CACNA2D1: variants seen among roughly 807,000 people sequenced by gnomAD.
The protein encoded by CACNA2D1 is calcium voltage-gated channel auxiliary subunit alpha2delta 1.
In CACNA2D1, 53 loss-of-function variants were observed where a neutral mutation model predicts 171.5. The ratio of observed to expected loss-of-function variants is 0.31; its 90% CI spans 0.25 to 0.39. The LOEUF (loss-of-function observed/expected upper bound fraction) is 0.39. CACNA2D1 is among the 10% of genes least tolerant of loss of function. The pLI, the probability that CACNA2D1 is intolerant of heterozygous loss-of-function variation, is 1.00. For synonymous variants in CACNA2D1, 442 were observed against 443.1 expected, an observed-to-expected ratio of 1.00 and a Z score of 0.03; for missense variants, 903 against 1,299.8, an observed-to-expected ratio of 0.69 and a Z score of 4.69.
intron 3 of CACNA2D1, among the ~76,000 whole-genome samples, chr7:82,277,041 C>T (rs550748789): frequency 6.6e-6 from 1 of 152,192 alleles, no homozygotes; most frequent in South Asian, 2.1e-4. Context: ...CCACCCTGCC[C>T]AGCCTCCATT....
intron 10 of CACNA2D1, 115 bp from the exon 11 acceptor site, chr7:82,038,350 G>A: frequency 1.1e-6 from 1 of 872,240 alleles, no homozygotes; most frequent in Non-Finnish European, 1.7e-6. Context: ...TCTTTCAAAT[G>A]GAAAAGTGAG....
At chr7:82,155,593 G>A (rs953113463) in intron 4 of CACNA2D1, among the ~76,000 whole-genome samples, 3 of 152,024 alleles carry the variant, frequency 2.0e-5, no homozygotes, top group African/African-American at 7.2e-5. Context: ...GTATGAAAAG[G>A]TTCCCTCCTG....
chr7:81,992,911 T>C (rs1352800931), intron 20 of CACNA2D1, among the ~76,000 whole-genome samples: 6 of 152,182 alleles, frequency 3.9e-5, no homozygotes, highest in Admixed American at 2.6e-4. Flanking sequence ...CCCAAGCATA[T>C]AGTTATAAAC....
At chr7:82,152,334 C>A (rs2129112466) in intron 4 of CACNA2D1, among the ~76,000 whole-genome samples, 1 of 123,918 alleles carries the variant, frequency 8.1e-6, no homozygotes, top group South Asian at 2.7e-4. Context: ...TTCTTAAAAC[C>A]TTAAGAAAAG....
At chr7:81,993,054 A>G (rs1315497288) in intron 20 of CACNA2D1, among the ~76,000 whole-genome samples, 2 of 152,186 alleles carry the variant, frequency 1.3e-5, no homozygotes, top group African/African-American at 4.8e-5. Flanking sequence ...GTAATACTAA[A>G]ATCCATAAAA....
intron 3 of CACNA2D1, among the ~76,000 whole-genome samples, chr7:82,331,604 T>A (rs1002106245): frequency 2.6e-5 from 4 of 152,236 alleles, no homozygotes; most frequent in African/African-American, 9.6e-5. Context: ...CATTGTGTCT[T>A]CAGTATTCTG....
chr7:82,076,356 T>C (rs1584652464), intron 7 of CACNA2D1, among the ~76,000 whole-genome samples: 2 of 152,126 alleles, frequency 1.3e-5, no homozygotes, highest in Non-Finnish European at 2.9e-5. Context: ...ATTTGTACCC[T>C]CTTGTCAACA....
At chr7:82,428,184 A>G (rs1563539594) in intron 1 of CACNA2D1, among the ~76,000 whole-genome samples, 1 of 152,234 alleles carries the variant, frequency 6.6e-6, no homozygotes, top group Non-Finnish European at 1.5e-5. Flanking sequence ...TAATTACTTG[A>G]TAGTCACATA....
intron 5 of CACNA2D1, among the ~76,000 whole-genome samples, chr7:82,119,923 T>TGTA (rs894860243): frequency 1.3e-5 from 2 of 152,220 alleles, no homozygotes; most frequent in African/African-American, 4.8e-5. Flanking sequence ...GGCTCATGCC[T>TGTA]GTAATCCCAG....
chr7:82,253,911 C>T (rs1015315434), intron 3 of CACNA2D1, among the ~76,000 whole-genome samples: 8 of 152,098 alleles, frequency 5.3e-5, no homozygotes, highest in African/African-American at 9.7e-5. Flanking sequence ...CTTGACAACA[C>T]TGTTTGATGA....
intron 3 of CACNA2D1, among the ~76,000 whole-genome samples, chr7:82,205,883 T>C (rs552947610): frequency 2.0e-5 from 3 of 152,182 alleles, no homozygotes; most frequent in Non-Finnish European, 4.4e-5. Context: ...TTATTTTTAT[T>C]ACATACACCT....
intron 18 of CACNA2D1, chr7:82,001,774 T>C (rs1282307781): frequency 3.5e-6 from 2 of 573,770 alleles, no homozygotes; most frequent in Non-Finnish European, 5.5e-6. Context: ...GTACGGGTTC[T>C]ATCCTATAAT....
intron 7 of CACNA2D1, among the ~76,000 whole-genome samples, chr7:82,069,713 C>CT (rs3839803): frequency 0.48 from 72,211 of 150,000 alleles, 20,762 homozygotes; most frequent in Non-Finnish European, 0.63. Flanking sequence ...CGAAGTACCC[C>CT]TTTTTTTTTT....
intron 1 of CACNA2D1, among the ~76,000 whole-genome samples, chr7:82,391,224 T>G (rs1007397903): frequency 6.6e-6 from 1 of 152,158 alleles, no homozygotes; most frequent in African/African-American, 2.4e-5. Context: ...AAAAGCAAAT[T>G]CAAAGATGGT....
intron 1 of CACNA2D1, among the ~76,000 whole-genome samples, chr7:82,381,925 A>T (rs564863015): frequency 4.4e-4 from 66 of 148,966 alleles, no homozygotes; most frequent in African/African-American, 1.7e-3. Flanking sequence ...TATTTCCTAT[A>T]GTTTTATATT....
chr7:82,389,740 T>C (rs532674489), intron 1 of CACNA2D1, among the ~76,000 whole-genome samples: 1 of 152,302 alleles, frequency 6.6e-6, no homozygotes, highest in South Asian at 2.1e-4. Context: ...TTTAATTTCC[T>C]GGGTTATGGG....
At chr7:82,045,625 T>G (rs955006417) in intron 10 of CACNA2D1, among the ~76,000 whole-genome samples, 16 of 152,302 alleles carry the variant, frequency 1.1e-4, no homozygotes, top group Admixed American at 4.6e-4. Context: ...AATTAAGATT[T>G]TGAATACATT....
At chr7:82,180,372 T>A (rs1796993436) in intron 3 of CACNA2D1, among the ~76,000 whole-genome samples, 1 of 152,030 alleles carries the variant, frequency 6.6e-6, no homozygotes. Flanking sequence ...GGTTTGAGAG[T>A]CCAGAGATAC....
rs535376761 is a variant in CACNA2D1, at chr7:82,186,157, A to G, written c.295-15548T>C. On this transcript the variant is annotated intron_variant, in intron 3 of 38. Transcript: ENST00000356860. ...GGTGACAAGAGCGAAACTCTGTCAA[A>G]AAAACAAAAAAAGAGAGAGAAGGAA... 2.7e-5 allele frequency among the ~76,000 whole-genome samples: 4 copies of G among 150,024 alleles called. No homozygotes were observed. The East Asian group carries it at 8.0e-4, about 30-fold the overall frequency.
Sources: allele counts gnomAD v4.1 joint callset (sites outside exome capture counted in the v4.1 genomes callset), GRCh38; gene constraint gnomAD v4.1.1; transcripts MANE v1.5; gene names NCBI Gene and HGNC (gene_info 2026-07-23, HGNC 2026-07-21).